CACNA2D3: variants seen among roughly 807,000 people sequenced by gnomAD.
The protein encoded by CACNA2D3 is voltage-dependent calcium channel subunit alpha-2/delta-3.
Under a neutral mutation model 160.6 loss-of-function variants are expected in CACNA2D3, and 60 were observed. The ratio of observed to expected loss-of-function variants is 0.37; its 90% CI spans 0.30 to 0.46. The LOEUF (loss-of-function observed/expected upper bound fraction) is 0.46, where lower values mean the gene tolerates loss of function less well. Ranked by LOEUF, CACNA2D3 falls within the 20% of genes least tolerant of loss-of-function variation. The pLI, the probability that CACNA2D3 is intolerant of heterozygous loss-of-function variation, is 1.00. For synonymous variants in CACNA2D3, 558 were observed against 492.9 expected, an observed-to-expected ratio of 1.13 and a Z score of -1.75; for missense variants, 1,205 against 1,365.0, an observed-to-expected ratio of 0.88 and a Z score of 1.85.
chr3:54,752,463 G>T lies in CACNA2D3; in HGVS notation c.1168-136G>T, dbSNP rs373151120. The T allele has an allele frequency of 2.1e-3, 1,376 of 643,968 alleles. 36 individuals are homozygous for T. The South Asian group carries it at 0.025, about 12-fold the overall frequency. The allele number at this position is 643,968 out of a possible 1,614,324, so 39.9% of individuals were successfully genotyped here. A position where few individuals can be genotyped will look rare whatever the true frequency, so the allele number is the denominator to read the frequency against. ...ATTTCTAGCTGACTATACTTCAGAT[G>T]TCTTAAATATGTTCCTGCAGATGGG... On this transcript the variant is annotated intron_variant, in intron 11 of 37. Transcript: ENST00000474759.
Sources: allele counts gnomAD v4.1 joint callset, GRCh38; gene constraint gnomAD v4.1.1; transcripts MANE v1.5; gene names NCBI Gene and HGNC (gene_info 2026-07-23, HGNC 2026-07-21).